Variants in TDP1 observed in about 807,000 individuals in gnomAD.
TDP1 encodes the protein tyrosyl-DNA phosphodiesterase 1.
Under a neutral mutation model 81.5 loss-of-function variants are expected in TDP1, and 64 were observed. The ratio of observed to expected loss-of-function variants is 0.79; its 90% confidence interval spans 0.64 to 0.97. The LOEUF (loss-of-function observed/expected upper bound fraction) is 0.97, where lower values mean the gene tolerates loss of function less well. Among genes scored for constraint, TDP1 ranks in the 50% least tolerant of loss-of-function variants. The pLI is 0.00. For missense variants in TDP1, 723 were observed against 743.8 expected (o/e 0.97, Z 0.33); for synonymous variants, 256 against 264.3 (o/e 0.97, Z 0.30).
At chr14:90,010,631 T>C (rs1884596432) in intron 14 of TDP1, among the ~76,000 whole-genome samples, 1 of 152,026 alleles carries the variant, frequency 6.6e-6, no homozygotes. Context: ...GCCTTGAAGA[T>C]GAAGGAACAG....
chr14:89,960,598 A>C (rs1892213243), intron 2 of TDP1, among the ~76,000 whole-genome samples: 3 of 152,252 alleles, frequency 2.0e-5, no homozygotes, highest in African/African-American at 7.2e-5. Context: ...GTCTAGGGTC[A>C]CTATTACAGG....
At chr14:90,028,707 A>ACC (rs1886925203) in intron 15 of TDP1, among the ~76,000 whole-genome samples, 1 of 152,194 alleles carries the variant, frequency 6.6e-6, no homozygotes, top group Non-Finnish European at 1.5e-5. Context: ...TTTTGTAATA[A>ACC]CCTAGAATTT....
rs182655827 is a variant in TDP1 at position 89,979,000 on chromosome 14, A to C, written c.792-1540A>C. On this transcript the variant is annotated intron_variant, in intron 7 of 16. Transcript: ENST00000335725. ...TTTATGATAATTTCATCCTGCCCAG[A>C]TAATGTTCATGTTGTTTATTTGGAG... Among the ~76,000 whole-genome samples, 27 of 150,766 alleles carry C rather than the reference A, an allele frequency of 1.8e-4. No individual in the cohort carries two copies. The East Asian group carries it at 5.2e-3, about 29-fold the overall frequency.
chr14:90,036,840 C>T (rs144455134), intron 16 of TDP1, among the ~76,000 whole-genome samples: 8 of 141,328 alleles, frequency 5.7e-5, no homozygotes, highest in South Asian at 2.2e-4. Context: ...GATAGGGTCT[C>T]GCTCTGTCAC....
chr14:89,975,645 C>A, intron 6 of TDP1, 136 bp from the exon 7 acceptor site: 70 of 692,994 alleles, frequency 1.0e-4, no homozygotes, highest in Middle Eastern at 4.6e-4. Context: ...TCTTGTTATT[C>A]AAGGGCTTGC....
At chr14:89,972,312 C>T (rs1309279267) in intron 6 of TDP1, among the ~76,000 whole-genome samples, 1 of 152,140 alleles carries the variant, frequency 6.6e-6, no homozygotes, top group East Asian at 1.9e-4. Context: ...GAGCTACACA[C>T]TTTTATCAAA....
At chr14:89,957,626 G>C (rs1328053017) in intron 2 of TDP1, among the ~76,000 whole-genome samples, 1 of 152,184 alleles carries the variant, frequency 6.6e-6, no homozygotes, top group Non-Finnish European at 1.5e-5. Flanking sequence ...TCATATAGTG[G>C]GGAGTGAGGA....
At chr14:89,982,654 T>TA (rs36057981) in intron 8 of TDP1, among the ~76,000 whole-genome samples, 5,911 of 152,098 alleles carry the variant, frequency 0.039, 382 homozygotes, top group African/African-American at 0.13. Flanking sequence ...TTCTTTTATT[T>TA]AAAAAAAGTA....
At chr14:90,042,709 TTG>T (rs898229504) in intron 16 of TDP1, 1 of 185,430 alleles carries the variant, frequency 5.4e-6, no homozygotes, top group South Asian at 1.8e-4. Flanking sequence ...CCATCAGATC[TTG>T]TGTGAGACTT....
chr14:90,019,561 T>C (rs994713276), intron 15 of TDP1, 143 bp downstream of exon 15: 1 of 688,736 alleles, frequency 1.5e-6, no homozygotes, highest in Non-Finnish European at 2.7e-6. Context: ...TCTTAACCGC[T>C]GGTCTGTACC....
intron 14 of TDP1, among the ~76,000 whole-genome samples, chr14:89,997,924 A>G (rs1896780226): frequency 6.8e-6 from 1 of 146,178 alleles, no homozygotes; most frequent in Non-Finnish European, 1.5e-5. Flanking sequence ...GCAATAAACA[A>G]TAAAACATCT....
chr14:90,033,022 T>C, intron 15 of TDP1, 84 bp from the exon 16 acceptor site: 2 of 1,185,212 alleles, frequency 1.7e-6, no homozygotes, highest in South Asian at 1.3e-5. Context: ...CATAAAGATA[T>C]TATTGCTTCT....
chr14:90,014,795 G>A lies in TDP1; in HGVS notation c.1542-4521G>A, dbSNP rs149657098. 4.5e-3 allele frequency among the ~76,000 whole-genome samples: 687 copies of A among 152,322 alleles called. 10 individuals carry two copies. The highest frequency in any genetic ancestry group is 0.016 in the African/African-American group (668 of 41,560). ...TGAATCTAATCAGCCACTCTAATTG[G>A]TGTTCAAGCAGGGATTGGTGATGGC... On this transcript the variant is annotated intron_variant, in intron 14 of 16. Coordinates refer to ENST00000335725, the MANE Select transcript of TDP1 (RefSeq NM_018319.4).
At chr14:89,984,724 T>A in intron 9 of TDP1, 41 bp downstream of exon 9, 1 of 1,609,632 alleles carries the variant, frequency 6.2e-7, no homozygotes, top group South Asian at 1.1e-5. Context: ...TATGATAGGC[T>A]TATACCTTGG....
At chr14:90,041,776 T>C (rs539138485) in intron 16 of TDP1, among the ~76,000 whole-genome samples, 1 of 152,342 alleles carries the variant, frequency 6.6e-6, no homozygotes, top group South Asian at 2.1e-4. Context: ...GGTCTACCCA[T>C]ATTATAGTTC....
At chr14:90,007,551 T>G (rs1270330496) in intron 14 of TDP1, among the ~76,000 whole-genome samples, 1 of 151,956 alleles carries the variant, frequency 6.6e-6, no homozygotes, top group African/African-American at 2.4e-5. Context: ...ATCGCTCCAC[T>G]GCACTCCAAC....
At chr14:89,957,893 G>A (rs1055434682) in intron 2 of TDP1, among the ~76,000 whole-genome samples, 2 of 152,216 alleles carry the variant, frequency 1.3e-5, no homozygotes, top group Non-Finnish European at 2.9e-5. Context: ...TGGGCTGGCT[G>A]CAGGAGGTGC....
chr14:89,998,372 T>TTATTTATATA (rs1896824536), intron 14 of TDP1, among the ~76,000 whole-genome samples: 1 of 53,148 alleles, frequency 1.9e-5, no homozygotes, highest in African/African-American at 8.2e-5. Flanking sequence ...TCCAAGCACA[T>TTATTTATATA]TATATATATA....
At chr14:89,970,752 C>G (rs942725199) in intron 5 of TDP1, 34 of 929,356 alleles carry the variant, frequency 3.7e-5, no homozygotes, top group Non-Finnish European at 4.1e-5. Flanking sequence ...CTACAAAGGC[C>G]GGAAACATAT....
Sources: allele counts gnomAD v4.1 joint callset (sites outside exome capture counted in the v4.1 genomes callset), GRCh38; gene constraint gnomAD v4.1.1; transcripts MANE v1.5; gene names NCBI Gene and HGNC (gene_info 2026-07-23, HGNC 2026-07-21).